Variants in SP140 observed in about 807,000 individuals in gnomAD.
SP140 encodes the protein nuclear body protein SP140.
Under a neutral mutation model 125.0 loss-of-function variants are expected in SP140, and 81 were observed. The observed-to-expected ratio is 0.65, with a 90% CI of 0.54 to 0.78. The LOEUF (loss-of-function observed/expected upper bound fraction) is 0.78, where lower values mean the gene tolerates loss of function less well. Among genes scored for constraint, SP140 ranks in the 30% least tolerant of loss-of-function variants. SP140 has a pLI of 0.00. For synonymous variants in SP140, 312 were observed against 354.0 expected (o/e 0.88, Z 1.33); for missense variants, 858 against 1,037.0 (o/e 0.83, Z 2.37).
intron 9 of SP140, 67 bp from the exon 10 acceptor site, chr2:230,250,914 C>G: frequency 6.4e-7 from 1 of 1,573,660 alleles, no homozygotes; most frequent in South Asian, 1.1e-5. Flanking sequence ...GGAGATACTT[C>G]AGCTTCCCAC....
intron 15 of SP140, among the ~76,000 whole-genome samples, chr2:230,280,504 G>A (rs1416899418): frequency 3.9e-5 from 6 of 151,920 alleles, no homozygotes; most frequent in Non-Finnish European, 5.9e-5. Flanking sequence ...AGATGTATAC[G>A]GACCTATATC....
At chr2:230,257,911 G>A (rs745698206) in intron 12 of SP140, among the ~76,000 whole-genome samples, 1 of 109,748 alleles carries the variant, frequency 9.1e-6, no homozygotes, top group Admixed American at 1.1e-4. Flanking sequence ...GGTGACTGGC[G>A]GCCTTCAAAA....
intron 9 of SP140, among the ~76,000 whole-genome samples, chr2:230,249,845 G>GT (rs2149212860): frequency 6.6e-6 from 1 of 152,300 alleles, no homozygotes; most frequent in African/African-American, 2.4e-5. Context: ...TCTATCAATA[G>GT]TGAGTTTTCC....
chr2:230,229,938 G>GT (rs1441475727), intron 1 of SP140, among the ~76,000 whole-genome samples: 11 of 150,346 alleles, frequency 7.3e-5, no homozygotes, highest in South Asian at 2.1e-4. Flanking sequence ...GGGGTTTTTT[G>GT]TTTTTTTTCC....
chr2:230,292,026 G>A (rs2057173080), intron 19 of SP140, among the ~76,000 whole-genome samples: 1 of 152,172 alleles, frequency 6.6e-6, no homozygotes, highest in Non-Finnish European at 1.5e-5. Context: ...TAATGGTGTT[G>A]AGCATGTGAC....
At chr2:230,272,608 C>G (rs879387822) in intron 15 of SP140, among the ~76,000 whole-genome samples, 7 of 152,040 alleles carry the variant, frequency 4.6e-5, no homozygotes, top group Admixed American at 3.9e-4. Flanking sequence ...GTGAGGCTTC[C>G]CCAGCCACAT....
chr2:230,262,479 G>T lies in SP140; in HGVS notation c.1240+6947G>T, dbSNP rs2052424493. Among the ~76,000 whole-genome samples, 4 of 151,716 alleles carry T rather than the reference G, an allele frequency of 2.6e-5. No homozygotes were observed. The South Asian group carries it at 6.2e-4, about 24-fold the overall frequency. ...TGATCTTTGTTATTTCCTTTCTTCT[G>T]CTGGGTTTGGGTTTGGTTTTGGTTT... On this transcript the variant is annotated intron_variant, in intron 12 of 26. Transcript: ENST00000392045.
chr2:230,214,403 C>T (rs567910039), intron 3 of SP140, among the ~76,000 whole-genome samples: 1 of 152,284 alleles, frequency 6.6e-6, no homozygotes, highest in Non-Finnish European at 1.5e-5. Flanking sequence ...CCAAGTAGGA[C>T]TCTTGCTCTG....
rs374852488 is a variant in SP140, at chr2:230,211,275, C to G, written c.-322-2379C>G. Among the ~76,000 whole-genome samples the G allele has an allele frequency of 3.3e-5, 5 of 152,294 alleles. No individual in the cohort carries two copies. The highest frequency in any genetic ancestry group is 1.2e-4 in the African/African-American group (5 of 41,568). ...TCCAGACTTGCCTCCTTTGCCCTCCCCCAGGGACTCTGTATCCATTCAGAG... is the reference window on the plus strand; with the variant it reads ...TCCAGACTTGCCTCCTTTGCCCTCCGCCAGGGACTCTGTATCCATTCAGAG... On this transcript the variant is annotated intron_variant, in intron 1 of 4. Coordinates refer to the SP140 transcript ENST00000456542. This position sits in a 1 kb window ranked among gnomAD's most constrained non-coding sequence, Gnocchi z 4.2.
chr2:230,212,864 T>C (rs1219037701), intron 1 of SP140: 1 of 1,614,072 alleles, frequency 6.2e-7, no homozygotes, highest in Middle Eastern at 1.7e-4. Flanking sequence ...GGGAGGATGT[T>C]CCAGGCTCAC....
chr2:230,201,879 G>A (rs551984986), upstream of SP140, among the ~76,000 whole-genome samples: 1 of 152,316 alleles, frequency 6.6e-6, no homozygotes, highest in Non-Finnish European at 1.5e-5. Context: ...CACTTGTTGA[G>A]TGTTGGTGTA....
chr2:230,197,253 T>C, the SP140 span, among the ~76,000 whole-genome samples: 3 of 150,104 alleles, frequency 2.0e-5, no homozygotes, highest in African/African-American at 2.4e-5. Flanking sequence ...TGTGAGATGG[T>C]ATCTCATTGT....
chr2:230,216,954 T>C (rs369618925), intron 3 of SP140: 2 of 1,608,984 alleles, frequency 1.2e-6, no homozygotes, highest in Non-Finnish European at 1.7e-6. Context: ...TGATAAAAAA[T>C]AGAAGCAAAG....
intron 16 of SP140, among the ~76,000 whole-genome samples, chr2:230,285,164 AT>A (rs2056197872): frequency 6.6e-6 from 1 of 152,136 alleles, no homozygotes; most frequent in Non-Finnish European, 1.5e-5. Context: ...TATTTTCTGA[AT>A]TTCCTGTAAA....
chr2:230,247,914 A>C lies in SP140; in HGVS notation c.743-2A>C. 6.2e-7 allele frequency: 1 copy of C among 1,611,350 alleles called. No homozygotes were observed. Among genetic ancestry groups the C allele is most frequent in the African/African-American group, 1.3e-5 (1 of 74,714 alleles). ...CTCAGAGATGCCTTTTTTGATCCCT[A>C]GTTCTAGAAAGCAACGGGATGATAG... is the stretch of plus-strand genomic sequence containing the variant. On this transcript the variant is annotated splice_acceptor_variant, in intron 7 of 26. Coordinates refer to ENST00000392045, the MANE Select transcript of SP140 (RefSeq NM_007237.5). LOFTEE classifies it high-confidence loss of function.
chr2:230,234,778 T>A (rs1008614265), intron 1 of SP140, among the ~76,000 whole-genome samples: 3 of 152,364 alleles, frequency 2.0e-5, no homozygotes, highest in African/African-American at 7.2e-5. Context: ...ATTTTCTGGT[T>A]GTTTCTTTTC....
chr2:230,245,163 C>T (rs1226250788), intron 6 of SP140, 83 bp downstream of exon 6: 11 of 865,382 alleles, frequency 1.3e-5, no homozygotes, highest in Non-Finnish European at 1.9e-5. Context: ...CTCTCTCCAC[C>T]ACCAACCCTG....
Position 230,292,748 on chromosome 2 carries a change from G to C in SP140, c.1928G>C (p.Ser643Thr). The part of the protein sequence containing the change: ...GHARSKNWRL[S>T]VRCGGWPLRW... ...GCAAGATCAAAGAACTGGAGGCTGA[G>C]TGTGCGCTGTGGCGGGTGGCCCCTA... The change falls in exon 20 of 27, where the codon AGT (serine) becomes ACT (threonine). Residue 643 changes from serine to threonine, a missense_variant. By Grantham distance (58) the Ser-to-Thr change is moderately conservative. Around this residue, in one of 4 missense-constraint regions of SP140, gnomAD observed 791 missense variants for 869.5 expected, o/e 0.91. Coordinates refer to ENST00000392045, the MANE Select transcript of SP140 (RefSeq NM_007237.5). 1.2e-6 allele frequency: 2 copies of C among 1,614,266 alleles called. No homozygotes were observed. The highest frequency in any genetic ancestry group is 1.7e-6 in the Non-Finnish European group (2 of 1,180,042).
chr2:230,226,008 G>A (rs2149005304), intron 1 of SP140, 105 bp downstream of exon 1: 2 of 834,598 alleles, frequency 2.4e-6, no homozygotes, highest in South Asian at 3.4e-5. Flanking sequence ...GTATACAATA[G>A]AATTCAGTTA....
Sources: allele counts gnomAD v4.1 joint callset (sites outside exome capture counted in the v4.1 genomes callset), GRCh38; gene constraint gnomAD v4.1.1; regional missense constraint gnomAD v4.1.1; non-coding constraint Gnocchi (gnomAD v3.1); transcripts MANE v1.5; gene names NCBI Gene and HGNC (gene_info 2026-07-23, HGNC 2026-07-21).